BLCAP: variants seen among roughly 807,000 people sequenced by gnomAD.
The protein encoded by BLCAP is apoptosis inducing factor BLCAP.
In BLCAP, 1 loss-of-function variant was observed where a neutral mutation model predicts 5.7. The ratio of observed to expected loss-of-function variants is 0.18; its 90% CI spans 0.06 to 0.83. The LOEUF (loss-of-function observed/expected upper bound fraction) is 0.83. Ranked by LOEUF, BLCAP falls within the 40% of genes least tolerant of loss-of-function variation. The pLI is 0.71. For synonymous variants in BLCAP, 48 were observed against 49.4 expected, an observed-to-expected ratio of 0.97 and a Z score of 0.11; for missense variants, 66 against 107.6, an observed-to-expected ratio of 0.61 and a Z score of 1.71.
chr20:37,519,404 CAAAAAAAAAAAAAAAAAAAGAAA>C (rs1000075729), intron 1 of BLCAP, 54 bp from the exon 2 acceptor site: 17 of 42,976 alleles, frequency 4.0e-4, no homozygotes, highest in South Asian at 3.1e-3. Context: ...GACAGACAGA[CAAAAAAAAAAAAAAAAAAAGAAA>C]AAAAAAAAAA....
Position 37,521,219 on chromosome 20 carries a change from G to T in BLCAP, c.-176-1869C>A. On this transcript the variant is annotated intron_variant, in intron 1 of 1. Coordinates refer to ENST00000373537, the MANE Select transcript of BLCAP (RefSeq NM_006698.4). The surrounding 1 kb of genome is among the most constrained non-coding windows in gnomAD (Gnocchi z 4.5). Reference sequence around the variant, plus strand: ...GCATGCGCACTTAGGTGGCGGGCGGGTACTTAAGGCGCGGCCACCGCGGCT... The same window carrying T: ...GCATGCGCACTTAGGTGGCGGGCGGTTACTTAAGGCGCGGCCACCGCGGCT... The T allele has an allele frequency of 9.1e-7, 1 of 1,098,362 alleles. No homozygotes were observed. Among genetic ancestry groups the T allele is most frequent in the Non-Finnish European group, 1.4e-6 (1 of 720,890 alleles). 68.0% of individuals were successfully genotyped at this position (1,098,362 alleles called of 1,614,324 possible). A position where few individuals can be genotyped will look rare whatever the true frequency, so the allele number is the denominator to read the frequency against.
chr20:37,522,283 C>T, intron 1 of BLCAP: 1 of 1,266,220 alleles, frequency 7.9e-7, no homozygotes, highest in Non-Finnish European at 1.1e-6. Context: ...ATCATTTACC[C>T]TAAAAGCTCC....
rs925403570 is a variant in BLCAP at position 37,522,860 on chromosome 20, G to C, written c.-176-3510C>G. 3.6e-6 allele frequency: 4 copies of C among 1,098,190 alleles called. No homozygotes were observed. In the East Asian group the frequency reaches 1.1e-4, roughly 29 times the overall value. 68.0% of individuals were successfully genotyped at this position (1,098,190 alleles called of 1,614,324 possible). A position where few individuals can be genotyped will look rare whatever the true frequency, so the allele number is the denominator to read the frequency against. On this transcript the variant is annotated intron_variant, in intron 1 of 1. Transcript: ENST00000373537. ...CGCGCAGGAATGTGGGGTCCCCTGT[G>C]TTCCCTCGCCAGAGGAGCACTTGGC... is the stretch of plus-strand genomic sequence containing the variant.
At chr20:37,522,354 C>G in intron 1 of BLCAP, 2 of 1,613,362 alleles carry the variant, frequency 1.2e-6, no homozygotes, top group East Asian at 2.2e-5. Flanking sequence ...ATATTTCCTT[C>G]AAGGTGTTCC....
rs762794212 is a variant in BLCAP at position 37,521,305 on chromosome 20, G to A, written c.-176-1955C>T. The A allele has an allele frequency of 1.5e-5, 24 of 1,612,264 alleles. No individual in the cohort carries two copies. Among genetic ancestry groups the A allele is most frequent in the South Asian group, 1.2e-4 (11 of 91,004 alleles). On this transcript the variant is annotated intron_variant, in intron 1 of 1. Transcript: ENST00000373537. The surrounding 1 kb of genome is among the most constrained non-coding windows in gnomAD (Gnocchi z 4.5). ...CGGATCTCGGCAAACCCTCTTTCTCGACCACCCACCTACCATTCTTGGAAC... is the reference window on the plus strand; with the variant it reads ...CGGATCTCGGCAAACCCTCTTTCTCAACCACCCACCTACCATTCTTGGAAC...
rs1380659298 is a variant in BLCAP at position 37,521,289 on chromosome 20, G to A, written c.-176-1939C>T. The stretch of plus-strand genomic sequence containing the variant: ...CGGACTCCGAGACCAGCGGATCTCG[G>A]CAAACCCTCTTTCTCGACCACCCAC... On this transcript the variant is annotated intron_variant, in intron 1 of 1. Transcript: ENST00000373537. The surrounding 1 kb of genome is among the most constrained non-coding windows in gnomAD (Gnocchi z 4.5). The A allele has an allele frequency of 5.0e-6, 8 of 1,605,568 alleles. No individual in the cohort carries two copies. Among genetic ancestry groups the A allele is most frequent in the Non-Finnish European group, 6.8e-6 (8 of 1,172,390 alleles).
chr20:37,527,331 C>G (rs1347303205), intron 1 of BLCAP, among the ~76,000 whole-genome samples: 1 of 151,954 alleles, frequency 6.6e-6, no homozygotes, highest in African/African-American at 2.4e-5. Flanking sequence ...AGGAGACCCT[C>G]TCTCCCCTCA....
At chr20:37,519,584 C>T (rs1164362585) in intron 1 of BLCAP, among the ~76,000 whole-genome samples, 1 of 152,298 alleles carries the variant, frequency 6.6e-6, no homozygotes, top group African/African-American at 2.4e-5. Context: ...GATGTCTCCC[C>T]GGGGCTTCTC....
intron 1 of BLCAP, chr20:37,522,766 A>G: frequency 6.3e-7 from 1 of 1,593,456 alleles, no homozygotes; most frequent in Non-Finnish European, 8.5e-7. Context: ...CTGAGGCCCC[A>G]GCTCCCAGCC....
rs1261017547 is a variant in BLCAP, at chr20:37,518,116, T to C, written c.*795A>G. On this transcript the variant is annotated 3_prime_UTR_variant, in exon 2 of 2. Transcript: ENST00000373537. Reference sequence around the variant, plus strand: ...ACTACGTGAACACACCATACTTCAATGCTGCAGAGCATGCACGGGAGACAC... The same window carrying C: ...ACTACGTGAACACACCATACTTCAACGCTGCAGAGCATGCACGGGAGACAC... 6.6e-6 allele frequency: 1 copy of C among 152,268 alleles called. No individual in the cohort carries two copies. The highest frequency in any genetic ancestry group is 2.1e-4 in the South Asian group (1 of 4,824). The allele number at this position is 152,268 out of a possible 1,614,324, so 9.4% of individuals were successfully genotyped here.
At position 37,521,135 on chromosome 20, in the gene BLCAP, C is replaced by T; in HGVS notation, c.-176-1785G>A. ...AGAGCAGATGGATTATTTTTTTCCT[C>T]TCCTGGCGAATGAGGAGCGCCCCCA... On this transcript the variant is annotated intron_variant, in intron 1 of 1. Transcript: ENST00000373537. The surrounding 1 kb of genome is among the most constrained non-coding windows in gnomAD (Gnocchi z 4.5). 2 of 645,690 alleles carry T rather than the reference C, an allele frequency of 3.1e-6. No individual in the cohort carries two copies. Among genetic ancestry groups the T allele is most frequent in the Non-Finnish European group, 5.6e-6 (2 of 359,750 alleles). The allele number at this position is 645,690 out of a possible 1,614,324, so 40.0% of individuals were successfully genotyped here.
At chr20:37,522,568 C>CGGGCGGGGCAGGGGGTG in intron 1 of BLCAP, 5 of 588,262 alleles carry the variant, frequency 8.5e-6, no homozygotes, top group Non-Finnish European at 1.1e-5. Context: ...GCTGGATGGG[C>CGGGCGGGGCAGGGGGTG]GGGCGGGGCA....
rs1263199285 is a variant in BLCAP, at chr20:37,518,991, A to G, written c.184T>C (p.Trp62Arg). 2 of 1,614,250 alleles carry G rather than the reference A, an allele frequency of 1.2e-6. No individual in the cohort carries two copies. The highest frequency in any genetic ancestry group is 1.7e-6 in the Non-Finnish European group (2 of 1,180,046). ...CAGTGGTACAGGAAACAGTTTCCCC[A>G]GCAGCTATAGCAGATAAGGAACAGG... ...AALFLICYSC[W>R]GNCFLYHCSD... The change falls in exon 2 of 2, where the codon TGG becomes CGG. Residue 62 changes from tryptophan (W) to arginine (R), a missense_variant. Physicochemically the swap from Trp to Arg is moderately radical, Grantham distance 101. Transcript: ENST00000373537.
Position 37,518,741 on chromosome 20 carries a change from G to C in BLCAP, c.*170C>G. On this transcript the variant is annotated 3_prime_UTR_variant, in exon 2 of 2. Coordinates refer to ENST00000373537, the MANE Select transcript of BLCAP (RefSeq NM_006698.4). ...ATAGGACTTTACAATAAAAGCACCG[G>C]TCAGTGCCATTATTCACATTGTAAG... 2 of 936,514 alleles carry C rather than the reference G, an allele frequency of 2.1e-6. No individual in the cohort carries two copies. The highest frequency in any genetic ancestry group is 1.7e-5 in the South Asian group (1 of 58,858). 58.0% of individuals were successfully genotyped at this position (936,514 alleles called of 1,614,324 possible).
chr20:37,522,598 G>GGGGGGGGGGGGGGGGGGGCCCC, intron 1 of BLCAP: 3 of 864,416 alleles, frequency 3.5e-6, no homozygotes, highest in South Asian at 1.5e-5. Context: ...GCGGGGGTGG[G>GGGGGGGGGGGGGGGGGGGCCCC]CACGGCAGCA....
chr20:37,521,439 C>G lies in BLCAP; in HGVS notation c.-176-2089G>C, dbSNP rs1421016181. On this transcript the variant is annotated intron_variant, in intron 1 of 1. Coordinates refer to ENST00000373537, the MANE Select transcript of BLCAP (RefSeq NM_006698.4). This position sits in a 1 kb window ranked among gnomAD's most constrained non-coding sequence, Gnocchi z 4.5. ...CGGGGTTTCGGGTGGGAGAGGGTTC[C>G]CAACTCGCGCCCCTAGAACCCGCAA... 6.3e-7 allele frequency: 1 copy of G among 1,596,946 alleles called. No homozygotes were observed. The highest frequency in any genetic ancestry group is 1.7e-5 in the Admixed American group (1 of 60,000).
chr20:37,517,908 C>G lies in BLCAP; in HGVS notation c.*1003G>C, dbSNP rs2071435818. On this transcript the variant is annotated 3_prime_UTR_variant, in exon 2 of 2. Coordinates refer to ENST00000373537, the MANE Select transcript of BLCAP (RefSeq NM_006698.4). ...AGCGGCACCTACCATATATAGCTAG[C>G]TATTGCTAAACCTCAAAATCAGACC... The G allele has an allele frequency of 1.3e-5, 2 of 152,610 alleles. No homozygotes were observed. Among genetic ancestry groups the G allele is most frequent in the African/African-American group, 4.8e-5 (2 of 41,418 alleles). The allele number at this position is 152,610 out of a possible 1,614,324, so 9.5% of individuals were successfully genotyped here. A position where few individuals can be genotyped will look rare whatever the true frequency, so the allele number is the denominator to read the frequency against.
Position 37,519,126 on chromosome 20 carries a change from G to C in BLCAP, c.49C>G (p.Leu17Val). ...TGGCTGAACCACAGGGCGGGGTTGA[G>C]GGGCTTGGGGATGAGGAGGACGGGC... The part of the protein sequence containing the change: ...LLPVLLIPKP[L>V]NPALWFSHSM... Residue 17 changes from leucine (L) to valine (V), a missense_variant, in exon 2 of 2, where the codon CTC becomes GTC. Coordinates refer to ENST00000373537, the MANE Select transcript of BLCAP (RefSeq NM_006698.4). 6.2e-7 allele frequency: 1 copy of C among 1,608,996 alleles called. No homozygotes were observed. Among genetic ancestry groups the C allele is most frequent in the Non-Finnish European group, 8.5e-7 (1 of 1,177,956 alleles).
In BLCAP at chr20:37,521,150, G is replaced by C; in HGVS notation, c.-176-1800C>G. 1 of 668,568 alleles carries C rather than the reference G, an allele frequency of 1.5e-6. No individual in the cohort carries two copies. The highest frequency in any genetic ancestry group is 2.7e-6 in the Non-Finnish European group (1 of 372,366). The allele number at this position is 668,568 out of a possible 1,614,324, so 41.4% of individuals were successfully genotyped here. On this transcript the variant is annotated intron_variant, in intron 1 of 1. Transcript: ENST00000373537. The surrounding 1 kb of genome is among the most constrained non-coding windows in gnomAD (Gnocchi z 4.5). ...TTTTTTTCCTCTCCTGGCGAATGAG[G>C]AGCGCCCCCAGCCACCCCTCCTCAT...
Sources: gnomAD v4.1 joint callset for allele counts (sites outside exome capture counted in the v4.1 genomes callset) on GRCh38, gnomAD v4.1.1 for gene constraint, Gnocchi (gnomAD v3.1) non-coding constraint, MANE v1.5 for transcripts, NCBI Gene and HGNC (gene_info 2026-07-23, HGNC 2026-07-21) for gene names.